The following ZFP62 variants were observed in gnomAD, a reference collection of about 807,000 sequenced individuals.
ZFP62 encodes the protein zinc finger protein 62 homolog.
Under a neutral mutation model 56.4 loss-of-function variants are expected in ZFP62, and 44 were observed. That is an observed-to-expected ratio of 0.78 (90% CI 0.61 to 1.00). The LOEUF (loss-of-function observed/expected upper bound fraction) is 1.00. Ranked by LOEUF, ZFP62 falls within the 50% of genes least tolerant of loss-of-function variation. The probability of loss-of-function intolerance (pLI) is 0.00; values close to 1 mark genes in which losing one functional copy is unlikely to be tolerated. For missense variants in ZFP62, 1,030 were observed against 1,085.7 expected, an observed-to-expected ratio of 0.95 and a Z score of 0.72; for synonymous variants, 421 against 388.9, an observed-to-expected ratio of 1.08 and a Z score of -0.97.
the ZFP62 span, among the ~76,000 whole-genome samples, chr5:180,840,759 C>CAA: frequency 1.4e-5 from 2 of 142,826 alleles, no homozygotes; most frequent in Non-Finnish European, 3.0e-5. Flanking sequence ...GAATCTGCCT[C>CAA]AAAAAAAAAA....
chr5:180,845,719 GCAGA>G, downstream of ZFP62: 1 of 985,400 alleles, frequency 1.0e-6, no homozygotes, highest in Non-Finnish European at 1.2e-6. Context: ...AGGTCTTGAT[GCAGA>G]CAGACTTCAG....
At chr5:180,837,655 A>G in the ZFP62 span, among the ~76,000 whole-genome samples, 2 of 152,204 alleles carry the variant, frequency 1.3e-5, no homozygotes, top group Admixed American at 6.5e-5. Context: ...AATGTATAAC[A>G]ATTTCTCCCA....
rs1003321049 is a variant in ZFP62 at position 180,849,566 on chromosome 5, T to C, written c.1929A>G (p.Lys643=). 1.2e-5 allele frequency: 18 copies of C among 1,552,014 alleles called. No homozygotes were observed. Among genetic ancestry groups the C allele is most frequent in the Non-Finnish European group, 1.5e-5 (17 of 1,147,106 alleles). ...SQHRRVHTRE[K]PYECDRCEKV... The stretch of plus-strand genomic sequence containing the variant: ...TCTCACACCTGTCACATTCATAGGG[T>C]TTCTCTCTAGTGTGGACCCTTCTGT... The change falls in exon 2 of 2, where the codon AAA becomes AAG. Residue 643 remains lysine, a synonymous_variant. Transcript: ENST00000502412.
Position 180,847,989 on chromosome 5 carries a change from G to A in ZFP62, c.*803C>T, listed in dbSNP as rs1220431385. 9.1e-6 allele frequency: 9 copies of A among 985,320 alleles called. No individual in the cohort carries two copies. The South Asian group carries it at 2.3e-4, about 26-fold the overall frequency. 61.0% of individuals were successfully genotyped at this position (985,320 alleles called of 1,614,324 possible). The stretch of plus-strand genomic sequence containing the variant: ...CTGAATGTGTCAAAATCCTCTCCAC[G>A]GTAGAACCTTTTATTGTAGCATAAT... On this transcript the variant is annotated 3_prime_UTR_variant, in exon 2 of 2. Transcript: ENST00000502412.
chr5:180,854,264 CCCAGCTTGA>C (rs1773859479), intron 1 of ZFP62, among the ~76,000 whole-genome samples: 2 of 152,158 alleles, frequency 1.3e-5, no homozygotes, highest in Non-Finnish European at 2.9e-5. Flanking sequence ...CGCTGCAAGA[CCCAGCTTGA>C]ACATCCAGTG....
At chr5:180,845,839 T>G (rs1279112309), downstream of ZFP62, 7 of 985,352 alleles carry the variant, frequency 7.1e-6, no homozygotes, top group Non-Finnish European at 8.4e-6. Context: ...ATTGCAGGAT[T>G]GGTGTTCAGT....
intron 1 of ZFP62, among the ~76,000 whole-genome samples, chr5:180,855,435 C>T (rs534544396): frequency 6.6e-6 from 1 of 152,172 alleles, no homozygotes. Context: ...ACTGCATTAG[C>T]GTCTTCAGGC....
At chr5:180,840,869 G>T in the ZFP62 span, among the ~76,000 whole-genome samples, 1 of 151,502 alleles carries the variant, frequency 6.6e-6, no homozygotes, top group Non-Finnish European at 1.5e-5. Flanking sequence ...AAATAAAAAT[G>T]TTAGCATAGT....
intron 1 of ZFP62, among the ~76,000 whole-genome samples, chr5:180,857,018 C>A (rs2113712800): frequency 6.9e-6 from 1 of 145,202 alleles, no homozygotes; most frequent in African/African-American, 2.6e-5. Flanking sequence ...GGGGGATGGA[C>A]TACAGGAATA....
chr5:180,857,133 C>G (rs896228972), intron 1 of ZFP62, among the ~76,000 whole-genome samples: 2 of 152,030 alleles, frequency 1.3e-5, no homozygotes, highest in Admixed American at 6.6e-5. Flanking sequence ...GACAGGTAGG[C>G]AAAGACAAGG....
the ZFP62 span, among the ~76,000 whole-genome samples, chr5:180,837,193 T>C: frequency 6.6e-6 from 1 of 152,204 alleles, no homozygotes; most frequent in Non-Finnish European, 1.5e-5. Flanking sequence ...CTGAGGGCCA[T>C]GAAACGAGAC....
chr5:180,856,950 CTCAA>C, intron 1 of ZFP62, among the ~76,000 whole-genome samples: 1 of 41,020 alleles, frequency 2.4e-5, no homozygotes, highest in Admixed American at 4.6e-4. Flanking sequence ...AAGACTATGT[CTCAA>C]AAAAAAAAAA....
At chr5:180,846,060 G>A (rs569359964), downstream of ZFP62, among the ~76,000 whole-genome samples, 6 of 152,204 alleles carry the variant, frequency 3.9e-5, no homozygotes, top group South Asian at 4.2e-4. Flanking sequence ...GGAAGGAACC[G>A]GGGGTGGTGC....
the ZFP62 span, among the ~76,000 whole-genome samples, chr5:180,837,380 A>G: frequency 1.2e-4 from 18 of 152,126 alleles, no homozygotes; most frequent in African/African-American, 4.3e-4. Flanking sequence ...TTAAAGGTCT[A>G]CTTCTCTGAG....
Position 180,849,173 on chromosome 5 carries a change from C to A in ZFP62, c.2322G>T (p.Val774=). The change falls in exon 2 of 2, where the codon GTG becomes GTT. Residue 774 remains valine (V), a synonymous_variant. Transcript: ENST00000502412. ...TCTCACCTGTGTGGATCCTTTTATG[C>A]ACTGTGAGGCCTGAGCTGTTCCTGA... is the stretch of plus-strand genomic sequence containing the variant. ...KAFRNSSGLT[V]HKRIHTGEKP... is the part of the protein sequence containing the mutation. 1 of 1,563,078 alleles carries A rather than the reference C, an allele frequency of 6.4e-7. No individual in the cohort carries two copies.
At chr5:180,827,590 G>C in the ZFP62 span, among the ~76,000 whole-genome samples, 1 of 152,218 alleles carries the variant, frequency 6.6e-6, no homozygotes, top group African/African-American at 2.4e-5. Context: ...GCTGAGGAAA[G>C]CCAGGTATTG....
rs1349748410 is a variant in ZFP62, at chr5:180,849,691, G to A, written c.1804C>T (p.Arg602Ter). ...DECEKAFITY[R>*]TLTNHKKVHL... is the part of the protein sequence containing the mutation. ...ACTTTTTTGTGGTTTGTAAGGGTTC[G>A]GTATGTGATGAAGGCCTTCTCACAC... is the stretch of plus-strand genomic sequence containing the variant. Residue 602 changes from arginine (R) to a stop codon, truncating the protein, a stop_gained, in exon 2 of 2, where the codon CGA becomes TGA. Transcript: ENST00000502412. LOFTEE classifies it high-confidence loss of function. The A allele has an allele frequency of 4.5e-6, 7 of 1,551,036 alleles. No individual in the cohort carries two copies. The highest frequency in any genetic ancestry group is 5.2e-6 in the Non-Finnish European group (6 of 1,146,826).
At chr5:180,846,688 G>A (rs951488445), downstream of ZFP62, among the ~76,000 whole-genome samples, 1 of 152,196 alleles carries the variant, frequency 6.6e-6, no homozygotes, top group African/African-American at 2.4e-5. Flanking sequence ...CCTAGTCGCT[G>A]TCCTCTGAGC....
At chr5:180,859,050 T>C (rs967237224) in intron 1 of ZFP62, among the ~76,000 whole-genome samples, 1 of 152,210 alleles carries the variant, frequency 6.6e-6, no homozygotes, top group Non-Finnish European at 1.5e-5. Flanking sequence ...CCCTACATTC[T>C]TGCTGTCTCT....
Sources: gnomAD v4.1 joint callset for allele counts (sites outside exome capture counted in the v4.1 genomes callset) on GRCh38, gnomAD v4.1.1 for gene constraint, MANE v1.5 for transcripts, NCBI Gene and HGNC (gene_info 2026-07-23, HGNC 2026-07-21) for gene names.